Variants in DNAH2 observed in about 807,000 individuals in gnomAD.
DNAH2 encodes axonemal beta dynein heavy chain 2.
DNAH2 carries 323 observed loss-of-function variants against 523.5 expected under a neutral mutation model. The observed-to-expected ratio is 0.62, with a 90% confidence interval of 0.56 to 0.68. DNAH2 has a LOEUF of 0.68. DNAH2 is among the 30% of genes least tolerant of loss of function. The probability of loss-of-function intolerance (pLI) is 0.00; values close to 1 mark genes in which losing one functional copy is unlikely to be tolerated. For missense variants in DNAH2, 4,907 were observed against 5,701.5 expected (o/e 0.86, Z 4.49); for synonymous variants, 2,093 against 2,177.4 (o/e 0.96, Z 1.08).
intron 29 of DNAH2, 122 bp from the exon 30 acceptor site, chr17:7,775,119 T>A: frequency 7.9e-7 from 1 of 1,259,752 alleles, no homozygotes; most frequent in East Asian, 2.4e-5. Context: ...TAGAACTTCT[T>A]AGAATTGGTA....
chr17:7,782,190 T>G (rs78219462), intron 39 of DNAH2, among the ~76,000 whole-genome samples: 3,028 of 152,258 alleles, frequency 0.02, 100 homozygotes, highest in African/African-American at 0.066. Context: ...TAACAGAAGA[T>G]GCAGTGCTGC....
At chr17:7,721,439 G>C (rs2074603602) in intron 2 of DNAH2, among the ~76,000 whole-genome samples, 1 of 152,080 alleles carries the variant, frequency 6.6e-6, no homozygotes. Flanking sequence ...CTCCCAAAGT[G>C]CTGGGATTAC....
chr17:7,805,215 T>C lies in DNAH2; in HGVS notation c.9301-37T>C, dbSNP rs781680802. Reference sequence around the variant, plus strand: ...TCAGCTAGGTTCTGTCTCCAGAAGGTCCTGTCTTACCCTCACTTTATCCCC... The same window carrying C: ...TCAGCTAGGTTCTGTCTCCAGAAGGCCCTGTCTTACCCTCACTTTATCCCC... On this transcript the variant is annotated intron_variant, in intron 60 of 85. Transcript: ENST00000572933. The C allele has an allele frequency of 3.7e-6, 6 of 1,610,810 alleles. No homozygotes were observed. In the South Asian group the frequency reaches 6.6e-5, roughly 18 times the overall value.
Position 7,819,490 on chromosome 17 carries a change from C to T in DNAH2, c.11015+82C>T, listed in dbSNP as rs112675081. 9.0e-5 allele frequency: 133 copies of T among 1,478,556 alleles called. 2 individuals are homozygous for T. The highest frequency in any genetic ancestry group is 7.6e-4 in the South Asian group (66 of 86,492). The allele number at this position is 1,478,556 out of a possible 1,614,324, so 91.6% of individuals were successfully genotyped here. ...TGGCCACTGCACCTTCGTGCTTTCC[C>T]GCACCGCGGCTCTCAGCCTGCCGCT... On this transcript the variant is annotated intron_variant, in intron 72 of 85. Transcript: ENST00000572933.
At chr17:7,740,757 G>C (rs1202484568) in intron 10 of DNAH2, 53 bp from the exon 11 acceptor site, 19 of 1,575,232 alleles carry the variant, frequency 1.2e-5, no homozygotes, top group Non-Finnish European at 1.6e-5. Context: ...TGAGTGACCG[G>C]AGGGAACCCG....
Position 7,786,673 on chromosome 17 carries a change from G to T in DNAH2, c.6452G>T (p.Arg2151Leu), listed in dbSNP as rs745642943. 2.5e-6 allele frequency: 4 copies of T among 1,613,956 alleles called. No individual in the cohort carries two copies. The highest frequency in any genetic ancestry group is 3.4e-6 in the Non-Finnish European group (4 of 1,180,026). The change falls in exon 41 of 86, where the codon CGG (arginine) becomes CTG (leucine). Residue 2151 changes from arginine to leucine, a missense_variant. By Grantham distance (102) the Arg-to-Leu change is moderately radical. This residue lies in a region of DNAH2 where 2,806 missense variants were observed against 3,190.8 expected (regional missense o/e 0.88). Coordinates refer to ENST00000572933, the MANE Select transcript of DNAH2 (RefSeq NM_020877.5). This position sits in a 1 kb window ranked among gnomAD's most constrained non-coding sequence, Gnocchi z 7.5. ...GATGGCATCTTGTCCAGTGTCATGC[G>T]GACGGCATGTGCAGGTATCCAGAGG... ...WTDGILSSVM[R>L]TACADEKPDE... is the part of the protein sequence containing the mutation.
chr17:7,782,202 T>A (rs781233907), intron 39 of DNAH2, among the ~76,000 whole-genome samples: 1 of 152,134 alleles, frequency 6.6e-6, no homozygotes, highest in Non-Finnish European at 1.5e-5. Flanking sequence ...CAGTGCTGCA[T>A]AAACCCCAGT....
At chr17:7,793,447 T>TTCTTTCTTTCTTTC (rs774059490) in intron 48 of DNAH2, among the ~76,000 whole-genome samples, 1 of 96,416 alleles carries the variant, frequency 1.0e-5, no homozygotes, top group African/African-American at 3.6e-5. Flanking sequence ...CTTTCTTTCT[T>TTCTTTCTTTCTTTC]TTTCTTTCTT....
At chr17:7,827,488 C>G (rs2078051541) in intron 77 of DNAH2, among the ~76,000 whole-genome samples, 1 of 152,044 alleles carries the variant, frequency 6.6e-6, no homozygotes, top group African/African-American at 2.4e-5. Context: ...CTCTGTCACC[C>G]AGGCTAGAGT....
Position 7,805,011 on chromosome 17 carries a change from A to G in DNAH2, c.9237A>G (p.Ala3079=), listed in dbSNP as rs1426429326. The G allele has an allele frequency of 6.2e-7, 1 of 1,614,192 alleles. No individual in the cohort carries two copies. The highest frequency in any genetic ancestry group is 8.5e-7 in the Non-Finnish European group (1 of 1,180,028). Residue 3079 remains alanine, a synonymous_variant, in exon 60 of 86, where the codon GCA becomes GCG. Transcript: ENST00000572933. ...CAGTTGAGGAAATCAAGTGTCAGGC[A>G]CTGGCTGACAATGCCCAGAAAGATC... ...KIAVEEIKCQ[A]LADNAQKDLE... is the part of the protein sequence containing the mutation.
chr17:7,797,115 A>C (rs1016983841), intron 50 of DNAH2, 61 bp from the exon 51 acceptor site: 4 of 1,494,278 alleles, frequency 2.7e-6, no homozygotes, highest in Middle Eastern at 1.8e-4. Context: ...AAAAAAAAAA[A>C]AAAAAACTTC....
chr17:7,759,256 C>T (rs769818023), intron 15 of DNAH2, 132 bp downstream of exon 15: 23 of 1,458,326 alleles, frequency 1.6e-5, no homozygotes, highest in Non-Finnish European at 1.7e-5. Flanking sequence ...GTGCTCTAGT[C>T]TTGGACTCAG....
chr17:7,832,806 G>A lies in DNAH2; in HGVS notation c.12904-48G>A. 1.2e-6 allele frequency: 2 copies of A among 1,614,080 alleles called. No individual in the cohort carries two copies. The highest frequency in any genetic ancestry group is 1.7e-6 in the Non-Finnish European group (2 of 1,180,000). ...GGGGATGTATGCTGGGGCCATGTAT[G>A]TGTTCTCCTCTTCAGGGTCCTCTCT... On this transcript the variant is annotated intron_variant, in intron 83 of 85. Transcript: ENST00000572933. This position sits in a 1 kb window ranked among gnomAD's most constrained non-coding sequence, Gnocchi z 4.3.
intron 4 of DNAH2, 32 bp downstream of exon 4, chr17:7,727,324 G>T (rs767055956): frequency 1.3e-6 from 2 of 1,576,766 alleles, no homozygotes; most frequent in African/African-American, 1.4e-5. Context: ...ATCAAAGGTG[G>T]TCCTACAGAG....
At chr17:7,814,310 T>C (rs780516308) in intron 63 of DNAH2, among the ~76,000 whole-genome samples, 4 of 151,848 alleles carry the variant, frequency 2.6e-5, no homozygotes, top group Non-Finnish European at 4.4e-5. Flanking sequence ...TTTAAAGATA[T>C]GTTATAAAGT....
intron 39 of DNAH2, among the ~76,000 whole-genome samples, chr17:7,783,924 T>C (rs2076669698): frequency 6.6e-6 from 1 of 152,126 alleles, no homozygotes; most frequent in Non-Finnish European, 1.5e-5. Flanking sequence ...ATACTGATAC[T>C]TTATAATGTT....
chr17:7,731,073 A>G (rs996425555), intron 4 of DNAH2, among the ~76,000 whole-genome samples: 1 of 152,012 alleles, frequency 6.6e-6, no homozygotes, highest in African/African-American at 2.4e-5. Flanking sequence ...AGCCAAGATC[A>G]CGCCATTGCA....
In DNAH2 at chr17:7,801,532, C is replaced by G. The variant is rs115964131; in HGVS notation, c.8700-46C>G. ...GTGTTGGGAAGCCAGTACCTGGAGG[C>G]TGTGTCTGTGCACGGAATTTACAGC... On this transcript the variant is annotated intron_variant, in intron 56 of 85. Coordinates refer to ENST00000572933, the MANE Select transcript of DNAH2 (RefSeq NM_020877.5). 361 of 1,610,438 alleles carry G rather than the reference C, an allele frequency of 2.2e-4. 1 individual carries two copies. The African/African-American group carries it at 4.5e-3, about 20-fold the overall frequency.
rs1223262160 is a variant in DNAH2, at chr17:7,832,666, CG to C, written c.12816del (p.Pro4273LeufsTer3). ...GTTTGAGCTGTGGGCCAGCCGGGCC[CG>C]GCCTCCTGTGATCTTCTGGTTGTCT... is the stretch of plus-strand genomic sequence containing the variant. ...EQFELWASRA[R>X]PPVIFWLSGF... On this transcript the variant is annotated frameshift_variant, in exon 83 of 86. Coordinates refer to ENST00000572933, the MANE Select transcript of DNAH2 (RefSeq NM_020877.5). LOFTEE classifies it high-confidence loss of function. The surrounding 1 kb of genome is among the most constrained non-coding windows in gnomAD (Gnocchi z 4.3). The C allele has an allele frequency of 6.2e-7, 1 of 1,614,068 alleles. No homozygotes were observed. The highest frequency in any genetic ancestry group is 8.5e-7 in the Non-Finnish European group (1 of 1,180,052).
Sources: allele counts gnomAD v4.1 joint callset (sites outside exome capture counted in the v4.1 genomes callset), GRCh38; gene constraint gnomAD v4.1.1; regional missense constraint gnomAD v4.1.1; non-coding constraint Gnocchi (gnomAD v3.1); transcripts MANE v1.5; gene names NCBI Gene and HGNC (gene_info 2026-07-23, HGNC 2026-07-21).